EHMT1: variants seen among roughly 807,000 people sequenced by gnomAD.
EHMT1 encodes the protein euchromatic histone lysine methyltransferase 1.
In EHMT1, 15 loss-of-function variants were observed where a neutral mutation model predicts 147.2. That is an observed-to-expected ratio of 0.10 (90% CI 0.07 to 0.16). EHMT1 has a LOEUF of 0.16. Ranked by LOEUF, EHMT1 falls within the 10% of genes least tolerant of loss-of-function variation. EHMT1 has a pLI of 1.00. For synonymous variants in EHMT1, 795 were observed against 709.6 expected (o/e 1.12, Z -1.91); for missense variants, 1,587 against 1,772.4 (o/e 0.90, Z 1.88).
chr9:137,635,785 T>C (rs370583046), intron 1 of EHMT1, among the ~76,000 whole-genome samples: 1 of 150,862 alleles, frequency 6.6e-6, no homozygotes, highest in East Asian at 2.1e-4. Flanking sequence ...GTGCCACTGC[T>C]CTCCAGCCTG....
intron 8 of EHMT1, among the ~76,000 whole-genome samples, chr9:137,757,055 G>C (rs951478201): frequency 2.0e-5 from 3 of 152,240 alleles, no homozygotes; most frequent in African/African-American, 7.2e-5. Flanking sequence ...CTTGGCCGGA[G>C]TTAGATATTA....
intron 1 of EHMT1, among the ~76,000 whole-genome samples, chr9:137,671,217 T>C (rs1371616527): frequency 2.0e-5 from 3 of 152,136 alleles, no homozygotes; most frequent in Non-Finnish European, 4.4e-5. Context: ...TTTCATTCAG[T>C]GTAAGAAAAA....
At position 137,834,764 on chromosome 9, in the gene EHMT1, C is replaced by T. The variant is rs1956485981; in HGVS notation, c.3717-9C>T. ...TCGACTTGGAGCCTTGGTTCTGTTC[C>T]CTCCCCAGGTTTGACTATGGAGAGC... On this transcript the variant is annotated splice_polypyrimidine_tract_variant and intron_variant, in intron 26 of 26. Coordinates refer to ENST00000460843, the MANE Select transcript of EHMT1 (RefSeq NM_024757.5). 1.9e-6 allele frequency: 3 copies of T among 1,613,474 alleles called. No individual in the cohort carries two copies. The highest frequency in any genetic ancestry group is 2.5e-6 in the Non-Finnish European group (3 of 1,179,762).
chr9:137,686,385 T>G (rs529472079), intron 1 of EHMT1, among the ~76,000 whole-genome samples: 1 of 152,080 alleles, frequency 6.6e-6, no homozygotes, highest in South Asian at 2.1e-4. Context: ...GTTTTAAAAA[T>G]TTTTTTAATT....
chr9:137,640,369 T>C (rs989818809), intron 1 of EHMT1, among the ~76,000 whole-genome samples: 1 of 152,186 alleles, frequency 6.6e-6, no homozygotes, highest in Non-Finnish European at 1.5e-5. Flanking sequence ...GCCTTGACCC[T>C]GGGCTCAAGC....
chr9:137,749,715 A>G (rs1948826015), intron 6 of EHMT1, among the ~76,000 whole-genome samples: 1 of 152,210 alleles, frequency 6.6e-6, no homozygotes, highest in African/African-American at 2.4e-5. Flanking sequence ...AGCCTCTTAT[A>G]AAGAAGCTCT....
Position 137,815,815 on chromosome 9 carries a change from C to G in EHMT1, c.3259-132C>G, listed in dbSNP as rs1360241938. ...TGGAGTTTTTCCCTAGGTGGGTGTT[C>G]AAGTTTGGCCAGAAACCATCGTTTT... On this transcript the variant is annotated intron_variant, in intron 22 of 26. Coordinates refer to ENST00000460843, the MANE Select transcript of EHMT1 (RefSeq NM_024757.5). The G allele has an allele frequency of 1.0e-5, 8 of 784,354 alleles. No homozygotes were observed. The East Asian group carries it at 2.1e-4, about 21-fold the overall frequency. The allele number at this position is 784,354 out of a possible 1,614,324, so 48.6% of individuals were successfully genotyped here.
intron 10 of EHMT1, among the ~76,000 whole-genome samples, chr9:137,768,967 G>A (rs995717755): frequency 8.5e-5 from 13 of 152,178 alleles, no homozygotes; most frequent in Admixed American, 2.6e-4. Flanking sequence ...GATTACAGTC[G>A]TGAGCTACCA....
In EHMT1 at chr9:137,635,371, TA is replaced by T. The variant is rs202016805; in HGVS notation, c.21+16324del. 2.6e-4 allele frequency among the ~76,000 whole-genome samples: 39 copies of T among 150,720 alleles called. 1 individual carries two copies. Among genetic ancestry groups the T allele is most frequent in the South Asian group, 2.5e-3 (12 of 4,758 alleles). On this transcript the variant is annotated intron_variant, in intron 1 of 26. Coordinates refer to ENST00000460843, the MANE Select transcript of EHMT1 (RefSeq NM_024757.5). ...ACAGGCACCCATCGCCACGCCCAGC[TA>T]ATTTTTTTTTTTTAATGTATTTTTG...
At chr9:137,817,834 C>T (rs2132802477) in intron 24 of EHMT1, 3 of 627,466 alleles carry the variant, frequency 4.8e-6, no homozygotes, top group Middle Eastern at 4.3e-4. Flanking sequence ...TCTGGGTTCT[C>T]AGGTACCAGA....
At chr9:137,634,133 C>A (rs368124954) in intron 1 of EHMT1, among the ~76,000 whole-genome samples, 46 of 152,206 alleles carry the variant, frequency 3.0e-4, no homozygotes, top group Middle Eastern at 3.4e-3. Context: ...TTTCTTGATG[C>A]CTTCCTTTGA....
chr9:137,623,572 G>A (rs539840645), intron 1 of EHMT1, among the ~76,000 whole-genome samples: 4 of 151,982 alleles, frequency 2.6e-5, no homozygotes, highest in Admixed American at 2.0e-4. Flanking sequence ...TTGCTACCAC[G>A]CCTGTGCCTG....
chr9:137,703,797 G>A (rs1344154084), intron 1 of EHMT1, among the ~76,000 whole-genome samples: 3 of 152,006 alleles, frequency 2.0e-5, no homozygotes, highest in African/African-American at 7.3e-5. Context: ...CATTTCCAAA[G>A]CTGCTTCCAC....
At chr9:137,762,541 T>C in intron 9 of EHMT1, 134 bp from the exon 10 acceptor site, 1 of 1,484,462 alleles carries the variant, frequency 6.7e-7, no homozygotes, top group Non-Finnish European at 9.1e-7. Context: ...CAGGGCTGTT[T>C]GTGCTGGGTA....
chr9:137,721,072 T>C (rs2135593035), intron 3 of EHMT1, among the ~76,000 whole-genome samples: 1 of 152,106 alleles, frequency 6.6e-6, no homozygotes, highest in South Asian at 2.1e-4. Context: ...TTGGGTGCGC[T>C]GGTGTTTCCT....
rs186255393 is a variant in EHMT1 at position 137,694,116 on chromosome 9, C to G, written c.22-16851C>G. 3.1e-3 allele frequency among the ~76,000 whole-genome samples: 287 copies of G among 93,440 alleles called. 11 individuals are homozygous for G. Among genetic ancestry groups the G allele is most frequent in the African/African-American group, 0.013 (270 of 21,570 alleles). 61.3% of individuals were successfully genotyped at this position (93,440 alleles called of 152,430 possible). A position where few individuals can be genotyped will look rare whatever the true frequency, so the allele number is the denominator to read the frequency against. On this transcript the variant is annotated intron_variant, in intron 1 of 26. Transcript: ENST00000460843. ...CAGTGGCTCAGGACGCTGGCCGATA[C>G]CCCCACACAGTGGCGCAGGACGCTG... is the stretch of plus-strand genomic sequence containing the variant.
intron 1 of EHMT1, among the ~76,000 whole-genome samples, chr9:137,623,129 C>T (rs979633576): frequency 4.0e-5 from 6 of 150,588 alleles, no homozygotes; most frequent in Admixed American, 2.7e-4. Flanking sequence ...AGGAGAAGGG[C>T]GTGAACCCGG....
chr9:137,788,360 G>A (rs1353734099), intron 15 of EHMT1: 6 of 340,726 alleles, frequency 1.8e-5, no homozygotes, highest in Non-Finnish European at 2.1e-5. Flanking sequence ...CACCCGCACC[G>A]CCTTCTGCCA....
intron 3 of EHMT1, among the ~76,000 whole-genome samples, chr9:137,721,061 G>A (rs1945910071): frequency 1.3e-5 from 2 of 152,110 alleles, no homozygotes; most frequent in Non-Finnish European, 2.9e-5. Context: ...TAGCGCTTCT[G>A]TTGGGTGCGC....
Sources: gnomAD v4.1 joint callset for allele counts (sites outside exome capture counted in the v4.1 genomes callset) on GRCh38, gnomAD v4.1.1 for gene constraint, MANE v1.5 for transcripts, NCBI Gene and HGNC (gene_info 2026-07-23, HGNC 2026-07-21) for gene names.